Variants in ATP6V1C2 observed in about 807,000 individuals in gnomAD.
ATP6V1C2 encodes ATPase H+ transporting V1 subunit C2, also known as V-type proton ATPase subunit C 2.
In ATP6V1C2, 45 loss-of-function variants were observed where a neutral mutation model predicts 56.8. The ratio of observed to expected loss-of-function variants is 0.79; its 90% CI spans 0.62 to 1.02. The LOEUF (loss-of-function observed/expected upper bound fraction) is 1.02. ATP6V1C2 is among the 50% of genes least tolerant of loss of function. ATP6V1C2 has a pLI of 0.00. For synonymous variants in ATP6V1C2, 220 were observed against 201.3 expected (o/e 1.09, Z -0.79); for missense variants, 463 against 519.7 (o/e 0.89, Z 1.06).
intron 3 of ATP6V1C2, among the ~76,000 whole-genome samples, chr2:10,743,842 A>C (rs2148439719): frequency 6.6e-6 from 1 of 152,070 alleles, no homozygotes; most frequent in East Asian, 1.9e-4. Flanking sequence ...AAAATTAGCC[A>C]GGCATGATGG....
intron 10 of ATP6V1C2, among the ~76,000 whole-genome samples, chr2:10,775,339 T>C (rs1227490242): frequency 3.3e-5 from 5 of 152,212 alleles, no homozygotes; most frequent in Non-Finnish European, 7.4e-5. Context: ...TCACTGGTCC[T>C]GAGCACCGCC....
chr2:10,783,175 C>T lies in ATP6V1C2; in HGVS notation c.1196C>T (p.Ala399Val). The T allele has an allele frequency of 6.2e-7, 1 of 1,610,940 alleles. No individual in the cohort carries two copies. Among genetic ancestry groups the T allele is most frequent in the South Asian group, 1.1e-5 (1 of 90,994 alleles). ...GCATTACCATGTCTTCTTTTGTAGG[C>T]ATCTGTGGAGATCCCGGGACTGCAA... ...DEVAATSILDASVEIPGLQLN... is the reference protein window; with the variant it reads ...DEVAATSILDVSVEIPGLQLN... Residue 399 changes from alanine to valine, a missense_variant and splice_region_variant, in exon 14 of 14, where the codon GCA becomes GTA. Coordinates refer to ENST00000272238, the MANE Select transcript of ATP6V1C2 (RefSeq NM_001039362.2).
chr2:10,732,548 C>A (rs1023797547), intron 3 of ATP6V1C2, among the ~76,000 whole-genome samples: 1 of 152,136 alleles, frequency 6.6e-6, no homozygotes, highest in African/African-American at 2.4e-5. Flanking sequence ...GCGTGAGCCA[C>A]CATGCCCAGC....
Position 10,726,394 on chromosome 2 carries a change from A to C in ATP6V1C2, c.130-108A>C, listed in dbSNP as rs191320209. ...TACTTTCCACTTTGGCCATTGACCAAGGGTGACAAATTCAAGATGAAGTGA... is the reference window on the plus strand; with the variant it reads ...TACTTTCCACTTTGGCCATTGACCACGGGTGACAAATTCAAGATGAAGTGA... On this transcript the variant is annotated intron_variant, in intron 2 of 13. Coordinates refer to ENST00000272238, the MANE Select transcript of ATP6V1C2 (RefSeq NM_001039362.2). 5 of 889,572 alleles carry C rather than the reference A, an allele frequency of 5.6e-6. No individual in the cohort carries two copies. In the East Asian group the frequency reaches 1.2e-4, roughly 22 times the overall value. The allele number at this position is 889,572 out of a possible 1,614,324, so 55.1% of individuals were successfully genotyped here. A position where few individuals can be genotyped will look rare whatever the true frequency, so the allele number is the denominator to read the frequency against.
chr2:10,735,290 C>A, intron 3 of ATP6V1C2, among the ~76,000 whole-genome samples: 1 of 152,108 alleles, frequency 6.6e-6, no homozygotes, highest in Non-Finnish European at 1.5e-5. Flanking sequence ...CTGCCTCAGC[C>A]TCCCAAGTAG....
intron 11 of ATP6V1C2, among the ~76,000 whole-genome samples, chr2:10,778,200 G>A (rs1406896853): frequency 6.6e-6 from 1 of 152,250 alleles, no homozygotes; most frequent in Non-Finnish European, 1.5e-5. Context: ...GGCGGCTGCT[G>A]TGGATGATGC....
intron 10 of ATP6V1C2, among the ~76,000 whole-genome samples, chr2:10,776,950 C>G (rs1236530432): frequency 1.3e-5 from 2 of 152,238 alleles, no homozygotes; most frequent in Non-Finnish European, 2.9e-5. Flanking sequence ...TCCTGAGAAT[C>G]TGGCCCCCTC....
At chr2:10,752,019 AC>A (rs371983846) in intron 3 of ATP6V1C2, among the ~76,000 whole-genome samples, 267 of 152,112 alleles carry the variant, frequency 1.8e-3, no homozygotes, top group Middle Eastern at 3.4e-3. Flanking sequence ...TGATCATACC[AC>A]TGTATTCCCA....
chr2:10,749,086 C>T (rs1663072765), intron 3 of ATP6V1C2, among the ~76,000 whole-genome samples: 1 of 140,634 alleles, frequency 7.1e-6, no homozygotes, highest in Non-Finnish European at 1.5e-5. Flanking sequence ...GCCGAGATCA[C>T]ACCATTGTAT....
At chr2:10,761,311 CT>C (rs948350657) in intron 4 of ATP6V1C2, among the ~76,000 whole-genome samples, 1 of 152,076 alleles carries the variant, frequency 6.6e-6, no homozygotes, top group Non-Finnish European at 1.5e-5. Flanking sequence ...TGGTTCCCAG[CT>C]TGTGGGATGG....
At chr2:10,730,066 C>T (rs1245866974) in intron 3 of ATP6V1C2, among the ~76,000 whole-genome samples, 1 of 152,220 alleles carries the variant, frequency 6.6e-6, no homozygotes, top group Non-Finnish European at 1.5e-5. Flanking sequence ...ATGGCTGCTA[C>T]TGCCTTGTTT....
At chr2:10,779,935 C>A (rs1005968181) in intron 12 of ATP6V1C2, among the ~76,000 whole-genome samples, 2 of 152,126 alleles carry the variant, frequency 1.3e-5, no homozygotes, top group African/African-American at 4.8e-5. Flanking sequence ...TGTGTGGCTG[C>A]GTCCCGCGTC....
At chr2:10,721,427 G>C (rs991241732), upstream of ATP6V1C2, among the ~76,000 whole-genome samples, 1 of 152,114 alleles carries the variant, frequency 6.6e-6, no homozygotes, top group Non-Finnish European at 1.5e-5. Context: ...GAAGCCCCCA[G>C]GGCCCCGGCC....
rs199943066 is a variant in ATP6V1C2 at position 10,772,616 on chromosome 2, T to G, written c.638+6T>G. 2 of 1,613,040 alleles carry G rather than the reference T, an allele frequency of 1.2e-6. No individual in the cohort carries two copies. The highest frequency in any genetic ancestry group is 3.3e-5 in the Admixed American group (2 of 60,024). ...GTGGTCCCTCGATCAACCAAGTAAGTGAGACCCCAGCTTGGTCCCAGGGCC... is the reference window on the plus strand; with the variant it reads ...GTGGTCCCTCGATCAACCAAGTAAGGGAGACCCCAGCTTGGTCCCAGGGCC... On this transcript the variant is annotated splice_donor_region_variant and intron_variant, in intron 8 of 13. Transcript: ENST00000272238.
Position 10,771,940 on chromosome 2 carries a change from G to A in ATP6V1C2, c.569+3G>A. ...ACACTTCTGGTCATCGTCCCCAAGT[G>A]AGTGCTGGGCGATCACGAAGGAAAC... On this transcript the variant is annotated splice_donor_region_variant and intron_variant, in intron 7 of 13. Transcript: ENST00000272238. 3 of 1,613,226 alleles carry A rather than the reference G, an allele frequency of 1.9e-6. No individual in the cohort carries two copies. The highest frequency in any genetic ancestry group is 2.5e-6 in the Non-Finnish European group (3 of 1,179,194).
chr2:10,732,373 C>T (rs1233563255), intron 3 of ATP6V1C2, among the ~76,000 whole-genome samples: 3 of 152,094 alleles, frequency 2.0e-5, no homozygotes, highest in Non-Finnish European at 4.4e-5. Flanking sequence ...ATTCTCCTGC[C>T]TCAGCCTTCC....
chr2:10,754,668 G>T (rs1254999485), intron 4 of ATP6V1C2, among the ~76,000 whole-genome samples: 2 of 151,468 alleles, frequency 1.3e-5, no homozygotes, highest in South Asian at 4.2e-4. Context: ...CGCCTTCTGG[G>T]TTCACGCCAT....
intron 3 of ATP6V1C2, among the ~76,000 whole-genome samples, chr2:10,735,743 AT>A (rs35949255): frequency 0.38 from 56,114 of 147,422 alleles, 13,483 homozygotes; most frequent in African/African-American, 0.65. Flanking sequence ...TGCCTGGCTA[AT>A]TTTTTTTTTT....
chr2:10,771,182 G>A lies in ATP6V1C2; in HGVS notation c.471-657G>A, dbSNP rs118180216. ...AAAGCTTTGGCCATGGCTCAACGCTGGAGAGCGATTTCCCGGGGAAGCACT... is the reference window on the plus strand; with the variant it reads ...AAAGCTTTGGCCATGGCTCAACGCTAGAGAGCGATTTCCCGGGGAAGCACT... On this transcript the variant is annotated intron_variant, in intron 6 of 13. Coordinates refer to ENST00000272238, the MANE Select transcript of ATP6V1C2 (RefSeq NM_001039362.2). Among the ~76,000 whole-genome samples the A allele has an allele frequency of 2.1e-4, 32 of 152,338 alleles. 1 individual carries two copies. The East Asian group carries it at 5.4e-3, about 26-fold the overall frequency.
Sources: allele counts gnomAD v4.1 joint callset (sites outside exome capture counted in the v4.1 genomes callset), GRCh38; gene constraint gnomAD v4.1.1; transcripts MANE v1.5; gene names NCBI Gene and HGNC (gene_info 2026-07-23, HGNC 2026-07-21).